Variants in DLGAP2 observed in about 807,000 individuals in gnomAD.
The protein encoded by DLGAP2 is DLG associated protein 2.
DLGAP2 carries 26 observed loss-of-function variants against 100.3 expected under a neutral mutation model. The ratio of observed to expected loss-of-function variants is 0.26; its 90% CI spans 0.19 to 0.36. The LOEUF (loss-of-function observed/expected upper bound fraction) is 0.36. Among genes scored for constraint, DLGAP2 ranks in the 10% least tolerant of loss-of-function variants. DLGAP2 has a pLI of 1.00. For missense variants in DLGAP2, 1,858 were observed against 1,453.2 expected (o/e 1.28, Z -4.53); for synonymous variants, 886 against 630.1 (o/e 1.41, Z -6.08).
intron 2 of DLGAP2, among the ~76,000 whole-genome samples, chr8:937,880 T>C (rs981952925): frequency 6.6e-6 from 1 of 152,186 alleles, no homozygotes; most frequent in Non-Finnish European, 1.5e-5. Flanking sequence ...TTTTTGTGAC[T>C]CTGTGAGGAG....
chr8:1,294,890 T>TC (rs1316524613), intron 3 of DLGAP2, among the ~76,000 whole-genome samples: 1 of 150,740 alleles, frequency 6.6e-6, no homozygotes, highest in Non-Finnish European at 1.5e-5. Flanking sequence ...AAACAAAACT[T>TC]TTTTTTTTAA....
At chr8:1,083,475 G>C (rs1219912546) in intron 2 of DLGAP2, among the ~76,000 whole-genome samples, 3 of 152,178 alleles carry the variant, frequency 2.0e-5, no homozygotes, top group Non-Finnish European at 4.4e-5. Flanking sequence ...AGTTTGTGTT[G>C]ACCTTTTAGT....
At chr8:1,419,940 G>T (rs1797043347) in intron 3 of DLGAP2, among the ~76,000 whole-genome samples, 1 of 152,216 alleles carries the variant, frequency 6.6e-6, no homozygotes, top group African/African-American at 2.4e-5. Context: ...ACAGAAGAAT[G>T]GAGAAAGAAC....
chr8:1,060,960 T>C (rs945145013), intron 2 of DLGAP2, among the ~76,000 whole-genome samples: 4 of 152,236 alleles, frequency 2.6e-5, no homozygotes, highest in Non-Finnish European at 5.9e-5. Context: ...AATGTGTTGA[T>C]ATTTCGATGT....
intron 2 of DLGAP2, among the ~76,000 whole-genome samples, chr8:1,079,468 T>C (rs79923068): frequency 0.033 from 5,016 of 152,310 alleles, 213 homozygotes; most frequent in East Asian, 0.14. Flanking sequence ...TAGCAGCCTT[T>C]ATTGGTTGCT....
chr8:1,294,367 C>T (rs370966229), intron 3 of DLGAP2, among the ~76,000 whole-genome samples: 9 of 152,208 alleles, frequency 5.9e-5, no homozygotes, highest in African/African-American at 1.7e-4. Context: ...TCTCCGTCGT[C>T]GTCCACGAGT....
intron 2 of DLGAP2, among the ~76,000 whole-genome samples, chr8:1,051,821 G>T (rs1024635846): frequency 1.3e-5 from 2 of 152,036 alleles, no homozygotes; most frequent in African/African-American, 2.4e-5. Flanking sequence ...GCCCCTCAGG[G>T]CTTAGCTCTA....
rs141173420 is a variant in DLGAP2, at chr8:932,138, T to G, written c.73+24172T>G. On this transcript the variant is annotated intron_variant, in intron 2 of 14. Transcript: ENST00000637795. Reference sequence around the variant, plus strand: ...TGGAGGAAGAGCAAGTGTCTGATGTTTTTGTCGACAAACCTTTTCCTTTTC... The same window carrying G: ...TGGAGGAAGAGCAAGTGTCTGATGTGTTTGTCGACAAACCTTTTCCTTTTC... 2.6e-3 allele frequency among the ~76,000 whole-genome samples: 397 copies of G among 152,328 alleles called. 3 individuals are homozygous for G. Among genetic ancestry groups the G allele is most frequent in the Middle Eastern group, 0.01 (3 of 294 alleles).
intron 8 of DLGAP2, among the ~76,000 whole-genome samples, chr8:1,637,416 C>T (rs117450173): frequency 6.6e-6 from 1 of 151,918 alleles, no homozygotes; most frequent in African/African-American, 2.4e-5. Flanking sequence ...GAAACTGTTG[C>T]GCGGGGCTCT....
chr8:948,553 G>C (rs1277264024), intron 2 of DLGAP2, among the ~76,000 whole-genome samples: 3 of 152,250 alleles, frequency 2.0e-5, no homozygotes, highest in Non-Finnish European at 4.4e-5. Context: ...TGAGCCCCAC[G>C]GGGCCTGAGT....
chr8:1,543,662 C>G (rs1365893315), intron 4 of DLGAP2, among the ~76,000 whole-genome samples: 1 of 152,128 alleles, frequency 6.6e-6, no homozygotes, highest in Non-Finnish European at 1.5e-5. Flanking sequence ...TTCTCAGGAC[C>G]CATTGCATTT....
intron 6 of DLGAP2, among the ~76,000 whole-genome samples, chr8:1,588,057 T>C (rs1324735129): frequency 1.3e-5 from 2 of 152,184 alleles, no homozygotes; most frequent in African/African-American, 2.4e-5. Context: ...GGTAGCACAA[T>C]AGAAAAATAA....
At chr8:1,231,809 G>A (rs180815309) in intron 2 of DLGAP2, among the ~76,000 whole-genome samples, 131 of 152,206 alleles carry the variant, frequency 8.6e-4, no homozygotes, top group Non-Finnish European at 1.7e-3. Flanking sequence ...CGCTAGAGGA[G>A]GAAGGAAGGG....
intron 3 of DLGAP2, among the ~76,000 whole-genome samples, chr8:1,359,767 A>T (rs951230461): frequency 7.9e-5 from 12 of 152,386 alleles, no homozygotes; most frequent in African/African-American, 2.6e-4. Context: ...GGAGGGCATT[A>T]GTATTCCCTT....
intron 2 of DLGAP2, among the ~76,000 whole-genome samples, chr8:1,195,274 C>A (rs1797727650): frequency 6.6e-6 from 1 of 152,204 alleles, no homozygotes; most frequent in Admixed American, 6.5e-5. Context: ...GGCCAAGCAC[C>A]CAGTTAGAAC....
intron 2 of DLGAP2, among the ~76,000 whole-genome samples, chr8:1,254,954 G>GTC (rs1563043128): frequency 1.4e-5 from 2 of 142,042 alleles, no homozygotes; most frequent in African/African-American, 5.2e-5. Flanking sequence ...CGGGTGCTGT[G>GTC]TGTGTGTCCT....
intron 2 of DLGAP2, among the ~76,000 whole-genome samples, chr8:1,041,442 G>A (rs1392039211): frequency 6.6e-6 from 1 of 152,222 alleles, no homozygotes; most frequent in Non-Finnish European, 1.5e-5. Flanking sequence ...CCCAGGTTTT[G>A]GGGTGAGGGA....
intron 1 of DLGAP2, among the ~76,000 whole-genome samples, chr8:903,886 TC>T (rs1287938446): frequency 6.6e-6 from 1 of 152,152 alleles, no homozygotes; most frequent in African/African-American, 2.4e-5. Context: ...CAGGAACACT[TC>T]CCCAGCTCAG....
At chr8:1,022,469 C>T (rs187935023) in intron 2 of DLGAP2, among the ~76,000 whole-genome samples, 31 of 148,246 alleles carry the variant, frequency 2.1e-4, no homozygotes, top group Non-Finnish European at 4.0e-4. Flanking sequence ...ACACTCCAGC[C>T]GCCATCCATC....
Sources: gnomAD v4.1 joint callset for allele counts (sites outside exome capture counted in the v4.1 genomes callset) on GRCh38, gnomAD v4.1.1 for gene constraint, MANE v1.5 for transcripts, NCBI Gene and HGNC (gene_info 2026-07-23, HGNC 2026-07-21) for gene names.